Variants in OSBPL6 observed in about 807,000 individuals in gnomAD.
The protein encoded by OSBPL6 is oxysterol-binding protein-related protein 6.
In OSBPL6, 49 loss-of-function variants were observed where a neutral mutation model predicts 125.8. The observed-to-expected ratio is 0.39, with a 90% confidence interval of 0.31 to 0.49. The LOEUF (loss-of-function observed/expected upper bound fraction) is 0.49. Among genes scored for constraint, OSBPL6 ranks in the 20% least tolerant of loss-of-function variants. The pLI is 0.88. For synonymous variants in OSBPL6, 394 were observed against 391.8 expected, an observed-to-expected ratio of 1.01 and a Z score of -0.07; for missense variants, 986 against 1,135.4, an observed-to-expected ratio of 0.87 and a Z score of 1.89.
At position 178,333,016 on chromosome 2, in the gene OSBPL6, CTAA is replaced by C; in HGVS notation, c.634_636del (p.Asn212del). On this transcript the variant is annotated inframe_deletion, in exon 8 of 25. Transcript: ENST00000190611. ...TCCACAGCTGAATCCTCACCAGCTG[CTAA>C]TGTTTCTGTAATGGATGGAAAGGTA... 1 of 1,614,040 alleles carries C rather than the reference CTAA, an allele frequency of 6.2e-7. No homozygotes were observed. Among genetic ancestry groups the C allele is most frequent in the South Asian group, 1.1e-5 (1 of 91,052 alleles).
At chr2:178,354,890 C>G (rs1165788895) in intron 12 of OSBPL6, among the ~76,000 whole-genome samples, 2 of 152,164 alleles carry the variant, frequency 1.3e-5, no homozygotes, top group Non-Finnish European at 2.9e-5. Context: ...AACTGTCTCT[C>G]AGACCACAAT....
chr2:178,204,812 GT>G (rs1192469332), intron 1 of OSBPL6, among the ~76,000 whole-genome samples: 28 of 152,150 alleles, frequency 1.8e-4, no homozygotes, highest in African/African-American at 6.8e-4. Flanking sequence ...GAGAGGGAGA[GT>G]TACTCTAGCA....
At position 178,320,789 on chromosome 2, in the gene OSBPL6, G is replaced by A. The variant is rs1056886338; in HGVS notation, c.103-3388G>A. Among the ~76,000 whole-genome samples the A allele has an allele frequency of 4.6e-5, 7 of 152,238 alleles. No homozygotes were observed. In the East Asian group the frequency reaches 7.7e-4, roughly 17 times the overall value. On this transcript the variant is annotated intron_variant, in intron 3 of 24. Coordinates refer to ENST00000190611, the MANE Select transcript of OSBPL6 (RefSeq NM_032523.4). ...TAAGTAAGAGTTCTGTGATTAATCCGCTAGATTTTCCTGTTTTAAAACTTA... is the reference window on the plus strand; with the variant it reads ...TAAGTAAGAGTTCTGTGATTAATCCACTAGATTTTCCTGTTTTAAAACTTA...
At chr2:178,228,304 G>GGCGA (rs2090652123) in intron 1 of OSBPL6, among the ~76,000 whole-genome samples, 1 of 152,226 alleles carries the variant, frequency 6.6e-6, no homozygotes, top group Non-Finnish European at 1.5e-5. Flanking sequence ...GGGAGGCCAA[G>GGCGA]GTGGGCATAT....
At position 178,247,011 on chromosome 2, in the gene OSBPL6, T is replaced by TCC. The variant is rs533968337; in HGVS notation, c.-350-37913_-350-37912dup. Among the ~76,000 whole-genome samples the TCC allele has an allele frequency of 1.5e-3, 109 of 73,802 alleles. 1 individual carries two copies. Among genetic ancestry groups the TCC allele is most frequent in the Middle Eastern group, 7.6e-3 (1 of 132 alleles). 48.4% of individuals were successfully genotyped at this position (73,802 alleles called of 152,430 possible). On this transcript the variant is annotated intron_variant, in intron 1 of 24. Transcript: ENST00000190611. ...ACTTCATCTCCCTGTAACCTGCCCC[T>TCC]CCCCACCCCCCCATGTTATTGTGTA...
At chr2:178,310,630 G>A (rs7570485) in intron 3 of OSBPL6, among the ~76,000 whole-genome samples, 26,482 of 151,632 alleles carry the variant, frequency 0.17, 2,490 homozygotes, top group Admixed American at 0.24. Context: ...TGTTAGCCAG[G>A]ATGGTCTCGA....
rs576575463 is a variant in OSBPL6 at position 178,371,575 on chromosome 2, A to G, written c.1288-551A>G. Among the ~76,000 whole-genome samples the G allele has an allele frequency of 1.2e-4, 19 of 152,302 alleles. No individual in the cohort carries two copies. In the South Asian group the frequency reaches 2.9e-3, roughly 23 times the overall value. On this transcript the variant is annotated intron_variant, in intron 13 of 24. Coordinates refer to ENST00000190611, the MANE Select transcript of OSBPL6 (RefSeq NM_032523.4). ...TTTGCACTTAAGTTAGTTCTGCAGCACTGTCATATATATTAATTATGTGCT... is the reference window on the plus strand; with the variant it reads ...TTTGCACTTAAGTTAGTTCTGCAGCGCTGTCATATATATTAATTATGTGCT...
chr2:178,361,719 T>G lies in OSBPL6; in HGVS notation c.1191T>G (p.Ala397=), dbSNP rs1692377616. 4 of 1,614,006 alleles carry G rather than the reference T, an allele frequency of 2.5e-6. No individual in the cohort carries two copies. The highest frequency in any genetic ancestry group is 3.4e-6 in the Non-Finnish European group (4 of 1,180,004). The part of the protein sequence containing the change: ...SLLKSAFNSI[A]IEKEKLKQMV... ...TGAAGTCTGCATTTAATAGCATAGC[T>G]ATAGAGAAGGAGAAGCTGAAGCAGA... Residue 397 remains alanine (A), a synonymous_variant, in exon 13 of 25, where the codon GCT becomes GCG. Coordinates refer to ENST00000190611, the MANE Select transcript of OSBPL6 (RefSeq NM_032523.4).
chr2:178,239,174 C>A (rs1432399039), intron 1 of OSBPL6, among the ~76,000 whole-genome samples: 1 of 152,136 alleles, frequency 6.6e-6, no homozygotes, highest in Non-Finnish European at 1.5e-5. Context: ...AGGTTTTGAG[C>A]ATGTTACACC....
At chr2:178,267,693 G>C (rs555570427) in intron 1 of OSBPL6, among the ~76,000 whole-genome samples, 62 of 152,248 alleles carry the variant, frequency 4.1e-4, no homozygotes, top group African/African-American at 1.4e-3. Flanking sequence ...TCACCTGCCT[G>C]CTGTGTATAA....
At chr2:178,292,900 G>A (rs920835413) in intron 2 of OSBPL6, among the ~76,000 whole-genome samples, 2 of 152,134 alleles carry the variant, frequency 1.3e-5, no homozygotes, top group Admixed American at 6.6e-5. Context: ...ACTGCAGGGT[G>A]ATTTGCTGAC....
intron 1 of OSBPL6, among the ~76,000 whole-genome samples, chr2:178,215,798 G>T (rs1475900078): frequency 6.6e-6 from 1 of 152,134 alleles, no homozygotes. Context: ...ATGACTTTGA[G>T]GTGACCAGTA....
chr2:178,261,816 T>A (rs993422994), intron 1 of OSBPL6, among the ~76,000 whole-genome samples: 1 of 152,226 alleles, frequency 6.6e-6, no homozygotes, highest in African/African-American at 2.4e-5. Flanking sequence ...AACTATTTTC[T>A]CACTTTGAAC....
At chr2:178,334,207 G>A (rs544763931) in intron 8 of OSBPL6, among the ~76,000 whole-genome samples, 18 of 152,308 alleles carry the variant, frequency 1.2e-4, no homozygotes, top group African/African-American at 4.1e-4. Context: ...GCGCAGGGGT[G>A]CTCCGCCTTC....
chr2:178,278,849 G>A (rs2092522096), intron 1 of OSBPL6, among the ~76,000 whole-genome samples: 1 of 152,164 alleles, frequency 6.6e-6, no homozygotes, highest in Admixed American at 6.5e-5. Flanking sequence ...GAAGTTAGTG[G>A]TGACAATAGG....
At chr2:178,360,677 A>G (rs1039500468) in intron 12 of OSBPL6, among the ~76,000 whole-genome samples, 1 of 152,218 alleles carries the variant, frequency 6.6e-6, no homozygotes, top group African/African-American at 2.4e-5. Context: ...TATTGCATGA[A>G]CTTTTTTGGA....
At chr2:178,218,193 G>A (rs1046391036) in intron 1 of OSBPL6, among the ~76,000 whole-genome samples, 3 of 152,140 alleles carry the variant, frequency 2.0e-5, no homozygotes, top group Non-Finnish European at 4.4e-5. Context: ...AGGCTAACCA[G>A]ACTGTGCTTT....
At chr2:178,392,715 G>T (rs906700853) in intron 23 of OSBPL6, among the ~76,000 whole-genome samples, 177 bp downstream of exon 23, 1 of 151,990 alleles carries the variant, frequency 6.6e-6, no homozygotes, top group Admixed American at 6.6e-5. Context: ...TTAAAAATTA[G>T]CTGGGTGTGG....
chr2:178,375,176 C>T (rs1411882040), intron 15 of OSBPL6, among the ~76,000 whole-genome samples: 5 of 152,102 alleles, frequency 3.3e-5, no homozygotes, highest in Non-Finnish European at 5.9e-5. Flanking sequence ...CAGAGATTGC[C>T]TGATGAGCAA....
Sources: gnomAD v4.1 joint callset for allele counts (sites outside exome capture counted in the v4.1 genomes callset) on GRCh38, gnomAD v4.1.1 for gene constraint, MANE v1.5 for transcripts, NCBI Gene and HGNC (gene_info 2026-07-23, HGNC 2026-07-21) for gene names.